Variants in HIVEP3 observed in about 807,000 individuals in gnomAD.
HIVEP3 encodes transcription factor HIVEP3.
HIVEP3 carries 49 observed loss-of-function variants against 152.8 expected under a neutral mutation model. That is an observed-to-expected ratio of 0.32 (90% confidence interval 0.26 to 0.41). The LOEUF (loss-of-function observed/expected upper bound fraction) is 0.41. Ranked by LOEUF, HIVEP3 falls within the 10% of genes least tolerant of loss-of-function variation. The pLI is 1.00. For missense variants in HIVEP3, 2,790 were observed against 3,103.3 expected (o/e 0.90, Z 2.40); for synonymous variants, 1,269 against 1,289.0 (o/e 0.98, Z 0.33).
intron 1 of HIVEP3, among the ~76,000 whole-genome samples, chr1:41,755,271 A>G (rs1349455403): frequency 6.6e-6 from 1 of 152,248 alleles, no homozygotes; most frequent in Non-Finnish European, 1.5e-5. Flanking sequence ...ATGGACCTCA[A>G]TGCAAACCTT....
chr1:41,952,804 C>A (rs1242175227), intron 1 of HIVEP3, among the ~76,000 whole-genome samples: 5 of 152,094 alleles, frequency 3.3e-5, no homozygotes, highest in African/African-American at 1.2e-4. Flanking sequence ...ATTACTGACA[C>A]CCAAAGATCG....
intron 2 of HIVEP3, among the ~76,000 whole-genome samples, chr1:41,639,378 T>C (rs1019059017): frequency 7.2e-5 from 11 of 152,174 alleles, no homozygotes; most frequent in African/African-American, 2.4e-4. Context: ...CAGAAAGACA[T>C]GGGTTCAGAC....
intron 1 of HIVEP3, among the ~76,000 whole-genome samples, chr1:41,714,427 G>C (rs1215785190): frequency 1.3e-5 from 2 of 152,210 alleles, no homozygotes; most frequent in Admixed American, 1.3e-4. Context: ...CTATGAGGCA[G>C]ATACTGTCAC....
chr1:41,774,974 T>C (rs754607688), intron 1 of HIVEP3, among the ~76,000 whole-genome samples: 2 of 151,986 alleles, frequency 1.3e-5, no homozygotes, highest in African/African-American at 4.8e-5. Flanking sequence ...TTTTTCTTTT[T>C]GTATTTTTTG....
At chr1:41,569,683 C>T (rs999295271) in intron 5 of HIVEP3, among the ~76,000 whole-genome samples, 10 of 152,200 alleles carry the variant, frequency 6.6e-5, no homozygotes, top group Non-Finnish European at 1.2e-4. Flanking sequence ...ACACTATTCT[C>T]TCCAAGCTAC....
At chr1:41,739,862 G>A (rs1289710168) in intron 1 of HIVEP3, among the ~76,000 whole-genome samples, 1 of 152,208 alleles carries the variant, frequency 6.6e-6, no homozygotes, top group Non-Finnish European at 1.5e-5. Context: ...TCAGAAGAGA[G>A]CACTAGTAAC....
chr1:41,838,638 C>T (rs1161636333), intron 1 of HIVEP3, among the ~76,000 whole-genome samples: 1 of 152,132 alleles, frequency 6.6e-6, no homozygotes, highest in Non-Finnish European at 1.5e-5. Context: ...GGCAGCATCT[C>T]CCTGTGCAAA....
In HIVEP3 at chr1:41,579,907, A is replaced by T. The variant is rs1241889122; in HGVS notation, c.4891T>A (p.Cys1631Ser). 6.2e-7 allele frequency: 1 copy of T among 1,614,236 alleles called. No homozygotes were observed. ...DRRSSVYAGW[C>S]ISLYNPNLPG... ...AGGTTGGGGTTGTACAAACTTATGC[A>T]CCAACCAGCGTAAACAGAGGACCTC... Residue 1631 changes from cysteine (C) to serine (S), a missense_variant, in exon 4 of 9, where the codon TGC becomes AGC. Around this residue, in one of 9 missense-constraint regions of HIVEP3, gnomAD observed 1,078 missense variants for 1,165.3 expected, o/e 0.93. Coordinates refer to ENST00000372583, the MANE Select transcript of HIVEP3 (RefSeq NM_024503.5).
At chr1:41,748,330 C>T (rs1647104140) in intron 1 of HIVEP3, among the ~76,000 whole-genome samples, 1 of 152,176 alleles carries the variant, frequency 6.6e-6, no homozygotes, top group African/African-American at 2.4e-5. Context: ...AGGAAGGTGA[C>T]CAGAAACCCT....
chr1:41,797,684 C>G (rs538087214), intron 1 of HIVEP3, among the ~76,000 whole-genome samples: 1 of 152,262 alleles, frequency 6.6e-6, no homozygotes, highest in African/African-American at 2.4e-5. Flanking sequence ...TCTAGAAATA[C>G]TTGAATTTGT....
chr1:41,615,765 G>C (rs932785353), intron 3 of HIVEP3, among the ~76,000 whole-genome samples: 1 of 148,806 alleles, frequency 6.7e-6, no homozygotes, highest in African/African-American at 2.5e-5. Context: ...ACAGGAGAAA[G>C]GGACCCACAT....
chr1:41,735,086 T>A (rs12088019), intron 1 of HIVEP3, among the ~76,000 whole-genome samples: 10,295 of 152,272 alleles, frequency 0.068, 1,176 homozygotes, highest in African/African-American at 0.23. Context: ...CTTCAACACA[T>A]TTGTCTTCAA....
chr1:42,035,635 C>T (rs1039848386), intron 1 of HIVEP3, among the ~76,000 whole-genome samples: 7 of 151,952 alleles, frequency 4.6e-5, no homozygotes, highest in African/African-American at 9.7e-5. Context: ...GCTGAGGGGG[C>T]CGGCGCCCGG....
rs1185219763 is a variant in HIVEP3, at chr1:41,956,705, A to T, written n.120-38181T>A. ...AGCAGCGATGAAAATAAAAAGAGAC[A>T]GGAGCCCAAGTTAGGTATGAAGTTT... On this transcript the variant is annotated intron_variant and non_coding_transcript_variant, in intron 1 of 3. Coordinates refer to the HIVEP3 transcript ENST00000489103. 2.6e-5 allele frequency among the ~76,000 whole-genome samples: 4 copies of T among 152,382 alleles called. No homozygotes were observed. In the East Asian group the frequency reaches 7.7e-4, roughly 29 times the overall value.
intron 1 of HIVEP3, among the ~76,000 whole-genome samples, chr1:41,875,051 G>T (rs542556842): frequency 6.6e-6 from 1 of 152,326 alleles, no homozygotes; most frequent in South Asian, 2.1e-4. Flanking sequence ...GGGATGGAGC[G>T]GGGGAGAGAA....
chr1:41,930,286 G>A (rs2124479975), intron 1 of HIVEP3, among the ~76,000 whole-genome samples: 1 of 152,238 alleles, frequency 6.6e-6, no homozygotes, highest in Middle Eastern at 3.4e-3. Flanking sequence ...CTCCCTTGCA[G>A]TCAACTCCAA....
intron 1 of HIVEP3, among the ~76,000 whole-genome samples, chr1:41,967,453 G>A (rs1174039133): frequency 6.6e-6 from 1 of 152,108 alleles, no homozygotes; most frequent in Non-Finnish European, 1.5e-5. Flanking sequence ...AATGATTCCT[G>A]GGTAAATAAT....
At chr1:41,909,392 T>G (rs1316467102) in intron 1 of HIVEP3, among the ~76,000 whole-genome samples, 1 of 152,120 alleles carries the variant, frequency 6.6e-6, no homozygotes, top group African/African-American at 2.4e-5. Context: ...GAAACAAGTT[T>G]TGCTTAATTA....
intron 1 of HIVEP3, among the ~76,000 whole-genome samples, chr1:41,767,458 A>G (rs1007371605): frequency 6.6e-6 from 1 of 152,126 alleles, no homozygotes; most frequent in Non-Finnish European, 1.5e-5. Context: ...TGAGCAGCTG[A>G]GGCTTCCCAG....
Sources: allele counts gnomAD v4.1 joint callset (sites outside exome capture counted in the v4.1 genomes callset), GRCh38; gene constraint gnomAD v4.1.1; regional missense constraint gnomAD v4.1.1; transcripts MANE v1.5; gene names NCBI Gene and HGNC (gene_info 2026-07-23, HGNC 2026-07-21).